The following S100A1 variants were observed in gnomAD, a reference collection of about 807,000 sequenced individuals.
The protein encoded by S100A1 is S100 calcium binding protein A1.
In S100A1, 3 loss-of-function variants were observed where a neutral mutation model predicts 7.6. The ratio of observed to expected loss-of-function variants is 0.40; its 90% CI spans 0.18 to 1.02. The LOEUF (loss-of-function observed/expected upper bound fraction) is 1.02, where lower values mean the gene tolerates loss of function less well. Among genes scored for constraint, S100A1 ranks in the 50% least tolerant of loss-of-function variants. S100A1 has a pLI of 0.35. For synonymous variants in S100A1, 49 were observed against 49.0 expected (o/e 1.00, Z 0.00); for missense variants, 126 against 115.0 (o/e 1.10, Z -0.44).
intron 2 of S100A1, 116 bp from the exon 3 acceptor site, chr1:153,631,582 T>C (rs761879960): frequency 1.2e-6 from 2 of 1,613,872 alleles, no homozygotes; most frequent in South Asian, 2.2e-5. Flanking sequence ...AGTCCCATAA[T>C]TCAATGCAGT....
Position 153,630,627 on chromosome 1 carries a change from G to C in S100A1, c.106G>C (p.Glu36Gln), listed in dbSNP as rs144796295. ...CAAGCTGAGCAAGAAGGAGCTGAAA[G>C]AGCTGCTGCAGACGGAGCTCTCTGG... ...KYKLSKKELK[E>Q]LLQTELSGFL... The change falls in exon 2 of 3, where the codon GAG becomes CAG. Residue 36 changes from glutamate (E) to glutamine (Q), a missense_variant. By Grantham distance (29) the Glu-to-Gln change is conservative. Coordinates refer to ENST00000292169, the MANE Select transcript of S100A1 (RefSeq NM_006271.2). The C allele has an allele frequency of 6.2e-7, 1 of 1,614,122 alleles. No individual in the cohort carries two copies. The highest frequency in any genetic ancestry group is 2.2e-5 in the East Asian group (1 of 44,896).
In S100A1 at chr1:153,630,672, G is replaced by A. The variant is rs780008385; in HGVS notation, c.141+10G>A. ...CTCTGGCTTCCTGGATGTGAGCATA[G>A]AGTGGTGGAGTGGGAGTGGAGTGGG... On this transcript the variant is annotated intron_variant, in intron 2 of 2. Transcript: ENST00000292169. 5.6e-6 allele frequency: 9 copies of A among 1,613,620 alleles called. No individual in the cohort carries two copies. Among genetic ancestry groups the A allele is most frequent in the East Asian group, 4.5e-5 (2 of 44,888 alleles).
In S100A1 at chr1:153,628,497, G is replaced by A. The variant is rs772952680; in HGVS notation, c.-14+1G>A. The stretch of plus-strand genomic sequence containing the variant: ...CTCCCACCTCAGGCCCAGGCCAACC[G>A]TGAGTACCCTGCCCCACTGGGCTAG... On this transcript the variant is annotated splice_donor_variant, in intron 1 of 2. Transcript: ENST00000292169. LOFTEE classifies it low-confidence loss of function (5UTR_SPLICE). The A allele has an allele frequency of 1.0e-4, 161 of 1,550,570 alleles. 1 individual carries two copies. The highest frequency in any genetic ancestry group is 2.9e-4 in the Admixed American group (15 of 50,986).
At chr1:153,628,696 G>A in intron 1 of S100A1, 200 bp downstream of exon 1, 1 of 913,994 alleles carries the variant, frequency 1.1e-6, no homozygotes, top group Non-Finnish European at 1.6e-6. Context: ...TGAACTGAAG[G>A]TCGGAGAGAG....
chr1:153,630,102 T>C, intron 1 of S100A1: 1 of 249,104 alleles, frequency 4.0e-6, no homozygotes, highest in Non-Finnish European at 7.6e-6. Context: ...TTGGCTATGC[T>C]AGACAGGCAA....
At chr1:153,631,526 G>A (rs1668007712) in intron 2 of S100A1, 172 bp from the exon 3 acceptor site, 2 of 1,613,582 alleles carry the variant, frequency 1.2e-6, no homozygotes, top group African/African-American at 1.3e-5. Flanking sequence ...AAGAGCTTAT[G>A]CTGTAGGCAA....
Position 153,630,538 on chromosome 1 carries a change from A to C in S100A1, c.17A>C (p.Glu6Ala), listed in dbSNP as rs778763449. MGSEL[E>A]TAMETLINVF... ...ACTGCTGCAATGGGCTCTGAGCTGG[A>C]GACGGCGATGGAGACCCTCATCAAC... The change falls in exon 2 of 3, where the codon GAG becomes GCG. Residue 6 changes from glutamate (E) to alanine (A), a missense_variant. By Grantham distance (107) the Glu-to-Ala change is moderately radical (BLOSUM62 -1). Coordinates refer to ENST00000292169, the MANE Select transcript of S100A1 (RefSeq NM_006271.2). The C allele has an allele frequency of 6.2e-7, 1 of 1,614,204 alleles. No homozygotes were observed. The highest frequency in any genetic ancestry group is 8.5e-7 in the Non-Finnish European group (1 of 1,180,020).
At chr1:153,630,458 C>A in intron 1 of S100A1, 51 bp from the exon 2 acceptor site, 2 of 1,596,572 alleles carry the variant, frequency 1.3e-6, no homozygotes, top group Non-Finnish European at 8.5e-7. Flanking sequence ...ACCTAGACCC[C>A]AGGTACTCCG....
chr1:153,631,596 T>G, intron 2 of S100A1, 102 bp from the exon 3 acceptor site: 1 of 1,613,830 alleles, frequency 6.2e-7, no homozygotes, highest in East Asian at 2.2e-5. Context: ...ATGCAGTTCC[T>G]CTCGCTCATC....
At position 153,628,746 on chromosome 1, in the gene S100A1, CA is replaced by C. The variant is rs1397912782; in HGVS notation, c.-14+251del. The C allele has an allele frequency of 1.2e-5, 7 of 599,210 alleles. No homozygotes were observed. In the African/African-American group the frequency reaches 1.3e-4, roughly 11 times the overall value. 37.1% of individuals were successfully genotyped at this position (599,210 alleles called of 1,614,324 possible). On this transcript the variant is annotated intron_variant, in intron 1 of 2. Coordinates refer to ENST00000292169, the MANE Select transcript of S100A1 (RefSeq NM_006271.2). ...CAAAGGAGGAAGCCAGTGGGGAACC[CA>C]CCATGAGCTTCCTGACCGCCTGGCC...
At chr1:153,628,578 G>A in intron 1 of S100A1, 82 bp downstream of exon 1, 2 of 1,531,608 alleles carry the variant, frequency 1.3e-6, no homozygotes, top group Non-Finnish European at 1.8e-6. Flanking sequence ...CAAGAGGCTG[G>A]GGACCATAGC....
intron 1 of S100A1, chr1:153,630,170 C>A: frequency 2.4e-6 from 1 of 412,384 alleles, no homozygotes; most frequent in African/African-American, 2.0e-5. Flanking sequence ...ACCACCCCTG[C>A]CTGCCCCACC....
Position 153,631,855 on chromosome 1 carries a change from T to C in S100A1, c.*14T>C, listed in dbSNP as rs769881040. The C allele has an allele frequency of 9.9e-6, 16 of 1,612,296 alleles. No homozygotes were observed. The highest frequency in any genetic ancestry group is 2.2e-5 in the East Asian group (1 of 44,880). ...GAGAACAGTTGAGCAGACAGCCACA[T>C]TGGGCAGCGCCCTTCCTCTCCACCC... On this transcript the variant is annotated 3_prime_UTR_variant, in exon 3 of 3. Transcript: ENST00000292169.
chr1:153,630,464 C>T (rs774229500), intron 1 of S100A1, 45 bp from the exon 2 acceptor site: 29 of 1,601,880 alleles, frequency 1.8e-5, no homozygotes, highest in Middle Eastern at 1.9e-4. Context: ...ACCCCAGGTA[C>T]TCCGGGCCTG....
intron 1 of S100A1, chr1:153,629,609 A>T (rs1253462964): frequency 6.6e-6 from 1 of 152,410 alleles, no homozygotes; most frequent in Non-Finnish European, 1.5e-5. Context: ...CCTTGAACTC[A>T]AAGGACCGCA....
At chr1:153,630,940 A>G (rs1030669040) in intron 2 of S100A1, 20 of 468,122 alleles carry the variant, frequency 4.3e-5, no homozygotes, top group Non-Finnish European at 7.2e-5. Flanking sequence ...ACTTAAAAGT[A>G]AACCATGAAC....
At chr1:153,630,376 T>C in intron 1 of S100A1, 133 bp from the exon 2 acceptor site, 1 of 1,113,244 alleles carries the variant, frequency 9.0e-7, no homozygotes, top group East Asian at 2.6e-5. Context: ...CAGGGAAAGA[T>C]CAATTGCAGT....
intron 2 of S100A1, chr1:153,630,891 CAAT>C: frequency 5.8e-6 from 3 of 515,826 alleles, no homozygotes; most frequent in African/African-American, 3.8e-5. Flanking sequence ...GTAGATTCAT[CAAT>C]AATAAGACAC....
intron 1 of S100A1, chr1:153,629,620 T>G (rs41265181): frequency 0.047 from 7,170 of 152,726 alleles, 248 homozygotes; most frequent in Non-Finnish European, 0.074. Context: ...AAGGACCGCA[T>G]GCTTTCAGCC....
Sources: gnomAD v4.1 joint callset for allele counts on GRCh38, gnomAD v4.1.1 for gene constraint, MANE v1.5 for transcripts, NCBI Gene and HGNC (gene_info 2026-07-23, HGNC 2026-07-21) for gene names.